PVT1: variants seen among roughly 807,000 people sequenced by gnomAD.
PVT1 encodes Pvt1 oncogene.
At chr8:127,893,474 T>C (rs1815636799) in intron 3 of PVT1, among the ~76,000 whole-genome samples, 1 of 152,316 alleles carries the variant, frequency 6.6e-6, no homozygotes, top group Non-Finnish European at 1.5e-5. Flanking sequence ...CTTGAACTCC[T>C]GACTTCAAGT....
At chr8:127,875,072 G>T (rs1441213090) in intron 2 of PVT1, among the ~76,000 whole-genome samples, 1 of 152,208 alleles carries the variant, frequency 6.6e-6, no homozygotes, top group Non-Finnish European at 1.5e-5. Context: ...ATAATGATGA[G>T]AAGTGTCATT....
At chr8:127,940,640 T>C (rs1023557651) in intron 3 of PVT1, among the ~76,000 whole-genome samples, 1 of 151,978 alleles carries the variant, frequency 6.6e-6, no homozygotes, top group Non-Finnish European at 1.5e-5. Flanking sequence ...TCTTGCTCTG[T>C]CACCCAGGCT....
chr8:127,912,863 A>G (rs1178228739), intron 3 of PVT1, among the ~76,000 whole-genome samples: 1 of 152,136 alleles, frequency 6.6e-6, no homozygotes, highest in African/African-American at 2.4e-5. Flanking sequence ...GGCCAGACGA[A>G]TTTTTTGGAT....
intron 3 of PVT1, among the ~76,000 whole-genome samples, chr8:127,896,344 A>G (rs1370783766): frequency 6.6e-6 from 1 of 152,122 alleles, no homozygotes; most frequent in Non-Finnish European, 1.5e-5. Context: ...CCATCCCTGA[A>G]TTACACACAG....
At chr8:127,984,991 C>CTT (rs1192427797) in intron 3 of PVT1, among the ~76,000 whole-genome samples, 713 of 65,820 alleles carry the variant, frequency 0.011, 86 homozygotes, top group African/African-American at 0.052. Flanking sequence ...TTCTTTCTTT[C>CTT]TCTTTCCTTC....
intron 3 of PVT1, among the ~76,000 whole-genome samples, chr8:127,919,893 C>T (rs1475475412): frequency 1.3e-5 from 2 of 152,196 alleles, no homozygotes; most frequent in African/African-American, 4.8e-5. Context: ...TGAATCTTAT[C>T]CCTTCGCAGC....
At chr8:128,099,390 C>T (rs1814471562) in intron 6 of PVT1, 1 of 152,250 alleles carries the variant, frequency 6.6e-6, no homozygotes, top group Non-Finnish European at 1.5e-5. Flanking sequence ...AGGCAGAACA[C>T]CCCAGAGGAG....
rs141607384 is a variant in PVT1, at chr8:127,835,405, A to G, written n.372+39334A>G. Among the ~76,000 whole-genome samples, 332 of 145,194 alleles carry G rather than the reference A, an allele frequency of 2.3e-3. 2 individuals carry two copies. Among genetic ancestry groups the G allele is most frequent in the African/African-American group, 8.0e-3 (322 of 40,112 alleles). On this transcript the variant is annotated intron_variant and non_coding_transcript_variant, in intron 2 of 10. Transcript: ENST00000651587. ...AGTGGGAGTTGAACAATGAGAACAT[A>G]TGGACACAGGGAGGGGAACATCACA...
At chr8:127,916,341 GA>G (rs2129856750) in intron 3 of PVT1, among the ~76,000 whole-genome samples, 1 of 152,294 alleles carries the variant, frequency 6.6e-6, no homozygotes, top group Admixed American at 6.5e-5. Context: ...ACTCAGCAGA[GA>G]ACAGACCCAA....
At chr8:127,935,127 C>A (rs28608914) in intron 3 of PVT1, among the ~76,000 whole-genome samples, 4 of 151,696 alleles carry the variant, frequency 2.6e-5, no homozygotes, top group Non-Finnish European at 4.4e-5. Context: ...CCACCACACC[C>A]AGCTAATTTT....
chr8:127,820,018 T>C (rs952716801), intron 2 of PVT1, among the ~76,000 whole-genome samples: 2 of 152,156 alleles, frequency 1.3e-5, no homozygotes, highest in African/African-American at 4.8e-5. Flanking sequence ...CATTTGGAGT[T>C]TGGAACTCTG....
chr8:127,955,067 G>A (rs1395775212), intron 3 of PVT1, among the ~76,000 whole-genome samples: 1 of 152,174 alleles, frequency 6.6e-6, no homozygotes, highest in African/African-American at 2.4e-5. Flanking sequence ...AAGGACCTCA[G>A]AATATGACTG....
intron 2 of PVT1, among the ~76,000 whole-genome samples, chr8:127,878,770 C>T (rs536533072): frequency 1.1e-4 from 16 of 152,324 alleles, no homozygotes; most frequent in East Asian, 9.6e-4. Context: ...TGCCCATCAG[C>T]GAGAAATACC....
intron 2 of PVT1, among the ~76,000 whole-genome samples, chr8:127,831,064 G>A (rs529724702): frequency 3.3e-4 from 49 of 146,888 alleles, no homozygotes; most frequent in Middle Eastern, 3.5e-3. Flanking sequence ...GTGTGTGTGT[G>A]TATATATATA....
chr8:127,849,339 T>A (rs1439929902), intron 2 of PVT1, among the ~76,000 whole-genome samples: 1 of 151,732 alleles, frequency 6.6e-6, no homozygotes, highest in African/African-American at 2.4e-5. Flanking sequence ...AAACCATGGG[T>A]GAAAAACAGC....
intron 3 of PVT1, among the ~76,000 whole-genome samples, chr8:127,953,331 A>G (rs78547245): frequency 0.026 from 4,018 of 152,306 alleles, 70 homozygotes; most frequent in Non-Finnish European, 0.038. Context: ...ATGAATGAAC[A>G]GATAGATCTT....
intron 4 of PVT1, among the ~76,000 whole-genome samples, chr8:128,012,261 C>G (rs1817322954): frequency 1.3e-5 from 2 of 152,146 alleles, no homozygotes; most frequent in African/African-American, 4.8e-5. Context: ...AAGGCCAAGC[C>G]AGGCTTGGAC....
chr8:128,077,259 G>A (rs1814102813), intron 5 of PVT1, among the ~76,000 whole-genome samples: 1 of 152,116 alleles, frequency 6.6e-6, no homozygotes, highest in Non-Finnish European at 1.5e-5. Flanking sequence ...TGCCCCTACT[G>A]TGAGTTTCTG....
chr8:128,073,414 T>C (rs921366905), intron 5 of PVT1, among the ~76,000 whole-genome samples: 3 of 152,110 alleles, frequency 2.0e-5, no homozygotes, highest in African/African-American at 7.2e-5. Context: ...TCACCCGATA[T>C]AGAATCACAC....
Sources: allele counts gnomAD v4.1 joint callset (sites outside exome capture counted in the v4.1 genomes callset), GRCh38; gene constraint gnomAD v4.1.1; transcripts MANE v1.5; gene names NCBI Gene and HGNC (gene_info 2026-07-23, HGNC 2026-07-21).